The following ABCA2 variants were observed in gnomAD, a reference collection of about 807,000 sequenced individuals.
ABCA2 encodes the protein ATP binding cassette subfamily A member 2, also known as ATP-binding cassette sub-family A member 2.
ABCA2 carries 84 observed loss-of-function variants against 262.8 expected under a neutral mutation model. That is an observed-to-expected ratio of 0.32 (90% CI 0.27 to 0.38). The LOEUF is 0.38. Among genes scored for constraint, ABCA2 ranks in the 10% least tolerant of loss-of-function variants. The pLI, the probability that ABCA2 is intolerant of heterozygous loss-of-function variation, is 1.00. For synonymous variants in ABCA2, 1,696 were observed against 1,502.9 expected (o/e 1.13, Z -2.97); for missense variants, 2,662 against 3,405.9 (o/e 0.78, Z 5.44).
chr9:137,008,004 C>A (rs1564208877), intron 48 of ABCA2, 40 bp from the exon 49 acceptor site: 1 of 1,588,860 alleles, frequency 6.3e-7, no homozygotes, highest in Non-Finnish European at 8.5e-7. Flanking sequence ...GCATCCTGTG[C>A]CACCCCCTGC....
In ABCA2 at chr9:137,010,876, G is replaced by A. The variant is rs551402419; in HGVS notation, c.6056+97C>T. 584 of 785,954 alleles carry A rather than the reference G, an allele frequency of 7.4e-4. 4 individuals carry two copies. In the African/African-American group the frequency reaches 0.012, roughly 16 times the overall value. 48.7% of individuals were successfully genotyped at this position (785,954 alleles called of 1,614,324 possible). A position where few individuals can be genotyped will look rare whatever the true frequency, so the allele number is the denominator to read the frequency against. On this transcript the variant is annotated intron_variant, in intron 39 of 48. Transcript: ENST00000341511. ...GCTGTCCCCTGCCTCACCCCCTCCT[G>A]CCCCATCCCTGCCCCCACCCCCGCC...
chr9:137,010,590 C>CCGCCCCCCCCCAAA, intron 40 of ABCA2, 30 bp downstream of exon 40: 2 of 1,253,100 alleles, frequency 1.6e-6, no homozygotes, highest in Non-Finnish European at 2.3e-6. Context: ...CTACCCCACC[C>CCGCCCCCCCCCAAA]AGGCCCCACC....
At position 137,015,958 on chromosome 9, in the gene ABCA2, C is replaced by A. The variant is rs1181912234; in HGVS notation, c.3317+4G>T. On this transcript the variant is annotated splice_donor_region_variant and intron_variant, in intron 22 of 48. Transcript: ENST00000341511. ...CTGCCCCGCCCCCCGCCCAGCCCACCCACTTGTCCATCTCTCTGCGGATCT... is the reference window on the plus strand; with the variant it reads ...CTGCCCCGCCCCCCGCCCAGCCCACACACTTGTCCATCTCTCTGCGGATCT... 9.4e-7 allele frequency: 1 copy of A among 1,066,674 alleles called. No individual in the cohort carries two copies. Among genetic ancestry groups the A allele is most frequent in the Non-Finnish European group, 1.4e-6 (1 of 695,122 alleles). 66.1% of individuals were successfully genotyped at this position (1,066,674 alleles called of 1,614,324 possible). A position where few individuals can be genotyped will look rare whatever the true frequency, so the allele number is the denominator to read the frequency against.
At chr9:137,023,627 G>A in intron 3 of ABCA2, 3 of 706,484 alleles carry the variant, frequency 4.2e-6, no homozygotes, top group Non-Finnish European at 7.7e-6. Flanking sequence ...CCAGGCACCA[G>A]CTGTGCCTTT....
At chr9:137,010,166 C>T (rs780591577) in intron 41 of ABCA2, 27 bp downstream of exon 41, 1 of 1,593,930 alleles carries the variant, frequency 6.3e-7, no homozygotes, top group African/African-American at 1.3e-5. Context: ...ACGCGGCGGC[C>T]CCGCCCACCC....
chr9:137,010,996 C>T lies in ABCA2; in HGVS notation c.6033G>A (p.Gln2011=), dbSNP rs1168410371. Residue 2011 remains glutamine (Q), a synonymous_variant, in exon 39 of 49, where the codon CAG becomes CAA. Coordinates refer to ENST00000341511, the MANE Select transcript of ABCA2 (RefSeq NM_001606.5). The part of the protein sequence containing the change: ...VVGFLLTIMC[Q]YNFLRRPQRM... ...ACTGTGGCCGCCGCAGGAAGTTGTA[C>T]TGGCACATGATGGTCAGGAGGAAGC... is the stretch of plus-strand genomic sequence containing the variant. 1.5e-5 allele frequency: 23 copies of T among 1,581,468 alleles called. No individual in the cohort carries two copies. The highest frequency in any genetic ancestry group is 1.9e-5 in the Non-Finnish European group (22 of 1,163,030).
intron 39 of ABCA2, 97 bp downstream of exon 39, chr9:137,010,866 ACCCCCTCCTG>A: frequency 9.0e-7 from 1 of 1,114,380 alleles, no homozygotes; most frequent in Non-Finnish European, 1.2e-6. Context: ...CCCCTGCCTC[ACCCCCTCCTG>A]CCCCATCCCT....
chr9:137,013,590 G>T, intron 28 of ABCA2, 27 bp from the exon 29 acceptor site: 1 of 1,585,584 alleles, frequency 6.3e-7, no homozygotes, highest in Admixed American at 1.8e-5. Flanking sequence ...GGAGGCCTGA[G>T]CAGGTTCTGC....
At chr9:137,008,900 G>GCCCCCCCCCCCCCCCAGCCCCCC (rs59031144) in intron 46 of ABCA2, 32 bp from the exon 47 acceptor site, 24 of 1,555,948 alleles carry the variant, frequency 1.5e-5, no homozygotes, top group Admixed American at 3.5e-5. Flanking sequence ...GCCTGGCAGC[G>GCCCCCCCCCCCCCCCAGCCCCCC]CCCCCCCACC....
At position 137,009,555 on chromosome 9, in the gene ABCA2, C is replaced by T; in HGVS notation, c.6720G>A (p.Val2240=). The T allele has an allele frequency of 1.2e-6, 2 of 1,612,818 alleles. No individual in the cohort carries two copies. The highest frequency in any genetic ancestry group is 1.1e-5 in the South Asian group (1 of 91,086). The change falls in exon 44 of 49, where the codon GTG becomes GTA. Residue 2240 remains valine (V), a synonymous_variant. Coordinates refer to ENST00000341511, the MANE Select transcript of ABCA2 (RefSeq NM_001606.5). ...GGCGCCCTCACCTGTGTGATGTCAGCACCACTGAACGCCCTGTCTTGATGA... is the reference window on the plus strand; with the variant it reads ...GGCGCCCTCACCTGTGTGATGTCAGTACCACTGAACGCCCTGTCTTGATGA... ...LDLIKTGRSV[V]LTSHSMEECE...
chr9:137,022,653 A>G (rs745979782), intron 5 of ABCA2, 49 bp downstream of exon 5: 7 of 1,582,500 alleles, frequency 4.4e-6, no homozygotes, highest in Non-Finnish European at 6.0e-6. Context: ...CAGTGACAGC[A>G]GAGCTTTGCC....
At chr9:137,025,170 A>G (rs1160456456) in intron 1 of ABCA2, among the ~76,000 whole-genome samples, 1 of 152,242 alleles carries the variant, frequency 6.6e-6, no homozygotes, top group African/African-American at 2.4e-5. Flanking sequence ...CTGCTAACCC[A>G]GGCTGGGCAC....
intron 12 of ABCA2, 42 bp downstream of exon 12, chr9:137,018,861 G>T: frequency 6.2e-7 from 1 of 1,612,452 alleles, no homozygotes; most frequent in Non-Finnish European, 8.5e-7. Context: ...CATGTGCGAG[G>T]CAGGGGGTGT....
chr9:137,021,883 G>A lies in ABCA2; in HGVS notation c.678+8C>T. On this transcript the variant is annotated splice_region_variant and intron_variant, in intron 7 of 48. Coordinates refer to ENST00000341511, the MANE Select transcript of ABCA2 (RefSeq NM_001606.5). This position sits in a 1 kb window ranked among gnomAD's most constrained non-coding sequence, Gnocchi z 6.0. ...CTCCAGGCCCATCCCACACATGGATGCCCTCACCTCCATCCGGAACAGGGG... is the reference window on the plus strand; with the variant it reads ...CTCCAGGCCCATCCCACACATGGATACCCTCACCTCCATCCGGAACAGGGG... The A allele has an allele frequency of 3.2e-6, 5 of 1,583,934 alleles. No individual in the cohort carries two copies. The highest frequency in any genetic ancestry group is 4.3e-6 in the Non-Finnish European group (5 of 1,164,482).
intron 3 of ABCA2, 156 bp from the exon 4 acceptor site, chr9:137,023,208 C>T: frequency 1.5e-6 from 1 of 675,198 alleles, no homozygotes; most frequent in Non-Finnish European, 2.6e-6. Flanking sequence ...AGAGCCCTGG[C>T]CCCAGCTGGG....
At chr9:137,013,356 T>C (rs1264053235) in intron 29 of ABCA2, 38 bp from the exon 30 acceptor site, 1 of 1,527,376 alleles carries the variant, frequency 6.5e-7, no homozygotes, top group Non-Finnish European at 8.8e-7. Flanking sequence ...GCTGCCAGTC[T>C]CCGCCCCTCG....
In ABCA2 at chr9:137,028,154, T is replaced by G; in HGVS notation, c.-14A>C. On this transcript the variant is annotated 5_prime_UTR_variant, in exon 1 of 49. Transcript: ENST00000341511. This position sits in a 1 kb window ranked among gnomAD's most constrained non-coding sequence, Gnocchi z 6.9. ...CAGGAAGCCCATGGCGGGGCCACGC[T>G]CCGCCGCCTCAGCGCCGCGGCCCGC... 1.0e-6 allele frequency: 1 copy of G among 981,322 alleles called. No individual in the cohort carries two copies. Among genetic ancestry groups the G allele is most frequent in the Non-Finnish European group, 1.2e-6 (1 of 828,438 alleles). 60.8% of individuals were successfully genotyped at this position (981,322 alleles called of 1,614,324 possible).
In ABCA2 at chr9:137,013,967, G is replaced by T. The variant is rs200327819; in HGVS notation, c.4312C>A (p.Arg1438Ser). The T allele has an allele frequency of 4.2e-5, 67 of 1,612,208 alleles. 1 individual carries two copies. In the East Asian group the frequency reaches 1.4e-3, roughly 33 times the overall value. The change falls in exon 28 of 49, where the codon CGC becomes AGC. Residue 1438 changes from arginine (R) to serine (S), a missense_variant. Arg to Ser is a moderately radical substitution (Grantham distance 110, BLOSUM62 -1). Coordinates refer to ENST00000341511, the MANE Select transcript of ABCA2 (RefSeq NM_001606.5). Reference protein sequence around the residue: ...RKLDGGWLKVRQFHGLLVKRF... With the variant: ...RKLDGGWLKVSQFHGLLVKRF... ...TTGACCAGCAGCCCGTGGAACTGGCGCACCTTCAGCCACCCGCCGTCCAGC... is the reference window on the plus strand; with the variant it reads ...TTGACCAGCAGCCCGTGGAACTGGCTCACCTTCAGCCACCCGCCGTCCAGC...
At chr9:137,024,093 C>T (rs376582396) in intron 2 of ABCA2, 50 bp downstream of exon 2, 850 of 1,560,108 alleles carry the variant, frequency 5.4e-4, no homozygotes, top group Admixed American at 5.4e-4. Flanking sequence ...CGCAGGCGTG[C>T]GAGGTGCCGC....
Sources: allele counts gnomAD v4.1 joint callset (sites outside exome capture counted in the v4.1 genomes callset), GRCh38; gene constraint gnomAD v4.1.1; non-coding constraint Gnocchi (gnomAD v3.1); transcripts MANE v1.5; gene names NCBI Gene and HGNC (gene_info 2026-07-23, HGNC 2026-07-21).